The following CMYA5 variants were observed in gnomAD, a reference collection of about 807,000 sequenced individuals.
The protein encoded by CMYA5 is cardiomyopathy-associated protein 5.
A neutral mutation model predicts 318.9 loss-of-function variants in CMYA5; 246 were observed. The observed-to-expected ratio is 0.77, with a 90% CI of 0.70 to 0.86. The LOEUF (loss-of-function observed/expected upper bound fraction) is 0.86. CMYA5 is among the 40% of genes least tolerant of loss of function. The pLI, the probability that CMYA5 is intolerant of heterozygous loss-of-function variation, is 0.00. For synonymous variants in CMYA5, 1,641 were observed against 1,729.5 expected (o/e 0.95, Z 1.27); for missense variants, 4,589 against 4,678.2 (o/e 0.98, Z 0.56).
In CMYA5 at chr5:79,736,825, T is replaced by G; in HGVS notation, c.8060T>G (p.Val2687Gly). The change falls in exon 2 of 13, where the codon GTA becomes GGA. Residue 2687 changes from valine (V) to glycine (G), a missense_variant. Val to Gly is a moderately radical substitution (Grantham distance 109). Around this residue, in one of 3 missense-constraint regions of CMYA5, gnomAD observed 2,431 missense variants for 2,495.1 expected, o/e 0.97. Transcript: ENST00000446378. Reference protein sequence around the residue: ...RESELSKGGSVDITKETVKQG... With the variant: ...RESELSKGGSGDITKETVKQG... ...TCAGAGCTATCGAAAGGCGGTTCAG[T>G]AGATATCACAAAAGAAACTGTGAAA... 1 of 1,608,164 alleles carries G rather than the reference T, an allele frequency of 6.2e-7. No homozygotes were observed. The highest frequency in any genetic ancestry group is 1.7e-5 in the Admixed American group (1 of 59,296).
At chr5:79,795,563 T>A (rs2151101749) in intron 12 of CMYA5, among the ~76,000 whole-genome samples, 1 of 152,222 alleles carries the variant, frequency 6.6e-6, no homozygotes, top group East Asian at 1.9e-4. Context: ...CTCTACCCAC[T>A]CGCAACTGGG....
In CMYA5 at chr5:79,738,499, A is replaced by G. The variant is rs752703029; in HGVS notation, c.9734A>G (p.Asp3245Gly). Residue 3245 changes from aspartate to glycine, a missense_variant, in exon 2 of 13, where the codon GAT becomes GGT. This residue lies in a region of CMYA5 where 2,431 missense variants were observed against 2,495.1 expected (regional missense o/e 0.97). Coordinates refer to ENST00000446378, the MANE Select transcript of CMYA5 (RefSeq NM_153610.5). ...TATTTTGAGAAGTACATACTCAAAG[A>G]TGACATTCTCCATGACACATCTCTA... ...GIYFEKYILK[D>G]DILHDTSLTQ... 2 of 1,613,536 alleles carry G rather than the reference A, an allele frequency of 1.2e-6. No individual in the cohort carries two copies.
In CMYA5 at chr5:79,729,195, T is replaced by G. The variant is rs775297395; in HGVS notation, c.430T>G (p.Ser144Ala). The G allele has an allele frequency of 6.2e-6, 10 of 1,612,948 alleles. No homozygotes were observed. The South Asian group carries it at 1.1e-4, about 18-fold the overall frequency. Residue 144 changes from serine (S) to alanine (A), a missense_variant, in exon 2 of 13, where the codon TCA becomes GCA. Physicochemically the swap from Ser to Ala is moderately conservative, Grantham distance 99 (BLOSUM62 1). Coordinates refer to ENST00000446378, the MANE Select transcript of CMYA5 (RefSeq NM_153610.5). ...TCATAAGTCAAAGCATGGTTCACCATCATTACGCCGGAAAGGCAACAGAAA... is the reference window on the plus strand; with the variant it reads ...TCATAAGTCAAAGCATGGTTCACCAGCATTACGCCGGAAAGGCAACAGAAA... ...RTHKSKHGSPSLRRKGNRKRN... is the reference protein window; with the variant it reads ...RTHKSKHGSPALRRKGNRKRN...
Position 79,730,786 on chromosome 5 carries a change from C to G in CMYA5, c.2021C>G (p.Pro674Arg). The part of the protein sequence containing the change: ...NQSPLFSTVT[P>R]EYMVLSGDEA... ...TCTCCACTGTTTTCAACAGTTACAC[C>G]AGAATACATGGTCCTATCAGGAGAC... Residue 674 changes from proline to arginine, a missense_variant, in exon 2 of 13, where the codon CCA (proline) becomes CGA (arginine). By Grantham distance (103) the Pro-to-Arg change is moderately radical. Coordinates refer to ENST00000446378, the MANE Select transcript of CMYA5 (RefSeq NM_153610.5). The G allele has an allele frequency of 6.2e-7, 1 of 1,613,818 alleles. No homozygotes were observed. The highest frequency in any genetic ancestry group is 8.5e-7 in the Non-Finnish European group (1 of 1,179,844).
At chr5:79,708,692 C>G (rs112350129) in intron 1 of CMYA5, among the ~76,000 whole-genome samples, 12,817 of 152,020 alleles carry the variant, frequency 0.084, 625 homozygotes, top group East Asian at 0.16. Context: ...GTAATCCCAG[C>G]CCTTTGGGCG....
intron 9 of CMYA5, among the ~76,000 whole-genome samples, chr5:79,787,223 C>A (rs575763458): frequency 6.6e-6 from 1 of 152,176 alleles, no homozygotes; most frequent in African/African-American, 2.4e-5. Context: ...CTTCCCACCC[C>A]CGCCTCCTCA....
At chr5:79,758,000 C>T (rs991322768) in intron 6 of CMYA5, among the ~76,000 whole-genome samples, 4 of 151,924 alleles carry the variant, frequency 2.6e-5, no homozygotes, top group East Asian at 1.9e-4. Flanking sequence ...GAGGCTGAGG[C>T]GGGTGGAATC....
intron 9 of CMYA5, 46 bp downstream of exon 9, chr5:79,763,255 C>T (rs1333322403): frequency 6.7e-7 from 1 of 1,500,234 alleles, no homozygotes; most frequent in Non-Finnish European, 8.9e-7. Flanking sequence ...GCCCAGTAAC[C>T]AAGCTCTGGG....
chr5:79,793,667 C>A, intron 12 of CMYA5, 57 bp downstream of exon 12: 3 of 1,506,754 alleles, frequency 2.0e-6, no homozygotes, highest in South Asian at 2.5e-5. Flanking sequence ...GGTGTCCAGG[C>A]AGGGCTCTCT....
In CMYA5 at chr5:79,763,044, C is replaced by T. The variant is rs780755358; in HGVS notation, c.11408-18C>T. On this transcript the variant is annotated intron_variant, in intron 8 of 12. Transcript: ENST00000446378. ...AAGCTGGCATTGCTCCACGACTGTC[C>T]TGACTCTCTTTCTGCAGCACCCTCC... 17 of 1,607,278 alleles carry T rather than the reference C, an allele frequency of 1.1e-5. No individual in the cohort carries two copies. Among genetic ancestry groups the T allele is most frequent in the African/African-American group, 1.3e-5 (1 of 74,926 alleles).
rs1827896180 is a variant in CMYA5, at chr5:79,731,394, T to C, written c.2629T>C (p.Ser877Pro). 1.9e-6 allele frequency: 3 copies of C among 1,613,572 alleles called. No individual in the cohort carries two copies. Among genetic ancestry groups the C allele is most frequent in the African/African-American group, 2.7e-5 (2 of 74,886 alleles). The change falls in exon 2 of 13, where the codon TCT (serine) becomes CCT (proline). Residue 877 changes from serine to proline, a missense_variant. Around this residue, in one of 3 missense-constraint regions of CMYA5, gnomAD observed 2,132 missense variants for 2,131.3 expected, o/e 1.00. Transcript: ENST00000446378. ...CQAPPLSATP[S>P]EYVVLSDEEA... ...GGCCCCACCACTTTCAGCCACCCCA[T>C]CTGAATATGTTGTTCTATCAGACGA...
intron 9 of CMYA5, among the ~76,000 whole-genome samples, chr5:79,778,566 T>C (rs1828987309): frequency 6.6e-6 from 1 of 152,136 alleles, no homozygotes; most frequent in Non-Finnish European, 1.5e-5. Flanking sequence ...TATAAACTGA[T>C]CATTTCCTAG....
At chr5:79,778,387 A>T (rs570530297) in intron 9 of CMYA5, among the ~76,000 whole-genome samples, 1 of 152,224 alleles carries the variant, frequency 6.6e-6, no homozygotes, top group Non-Finnish European at 1.5e-5. Context: ...CTAGTAGTGT[A>T]TAAGAGTGCT....
rs536165090 is a variant in CMYA5, at chr5:79,690,137, C to T, written c.149+81C>T. 1.2e-5 allele frequency: 16 copies of T among 1,368,982 alleles called. No homozygotes were observed. In the African/African-American group the frequency reaches 2.3e-4, roughly 20 times the overall value. The allele number at this position is 1,368,982 out of a possible 1,614,324, so 84.8% of individuals were successfully genotyped here. On this transcript the variant is annotated intron_variant, in intron 1 of 12. Coordinates refer to ENST00000446378, the MANE Select transcript of CMYA5 (RefSeq NM_153610.5). ...TGCTTGTTTGCTTTAAGTTTTTAAG[C>T]TCTGGGGTTCGTTTGCCTCGAGCTA...
chr5:79,798,073 G>T (rs754731927), intron 12 of CMYA5, among the ~76,000 whole-genome samples: 8 of 152,046 alleles, frequency 5.3e-5, no homozygotes, highest in Non-Finnish European at 8.8e-5. Flanking sequence ...GCAAGGCATT[G>T]AAAAGGTCCT....
intron 1 of CMYA5, among the ~76,000 whole-genome samples, chr5:79,697,244 C>A (rs1183219096): frequency 2.0e-5 from 3 of 152,144 alleles, no homozygotes; most frequent in African/African-American, 7.2e-5. Flanking sequence ...AAGGTAGGGG[C>A]CTGCTAGGAC....
chr5:79,707,500 T>A (rs1325713353), intron 1 of CMYA5, among the ~76,000 whole-genome samples: 1 of 152,226 alleles, frequency 6.6e-6, no homozygotes, highest in Non-Finnish European at 1.5e-5. Context: ...CCAGAGGTAA[T>A]CATTATTAAA....
chr5:79,700,242 C>G (rs1827148543), intron 1 of CMYA5, among the ~76,000 whole-genome samples: 1 of 152,318 alleles, frequency 6.6e-6, no homozygotes, highest in African/African-American at 2.4e-5. Context: ...GAAACCCAGG[C>G]TTTAGTGACA....
chr5:79,732,397 C>G lies in CMYA5; in HGVS notation c.3632C>G (p.Pro1211Arg), dbSNP rs1483101570. 2 of 1,613,700 alleles carry G rather than the reference C, an allele frequency of 1.2e-6. No individual in the cohort carries two copies. The highest frequency in any genetic ancestry group is 2.7e-5 in the African/African-American group (2 of 75,030). The change falls in exon 2 of 13, where the codon CCT (proline) becomes CGT (arginine). Residue 1211 changes from proline (P) to arginine (R), a missense_variant. Physicochemically the swap from Pro to Arg is moderately radical, Grantham distance 103 (BLOSUM62 -2). Around this residue, in one of 3 missense-constraint regions of CMYA5, gnomAD observed 2,132 missense variants for 2,131.3 expected, o/e 1.00. Coordinates refer to ENST00000446378, the MANE Select transcript of CMYA5 (RefSeq NM_153610.5). ...LSKVRKEEIV[P>R]DSQEATAHVS... Reference sequence around the variant, plus strand: ...AAAGTCAGAAAGGAAGAAATTGTGCCTGATTCTCAAGAAGCTACAGCACAT... The same window carrying G: ...AAAGTCAGAAAGGAAGAAATTGTGCGTGATTCTCAAGAAGCTACAGCACAT...
Sources: allele counts gnomAD v4.1 joint callset (sites outside exome capture counted in the v4.1 genomes callset), GRCh38; gene constraint gnomAD v4.1.1; regional missense constraint gnomAD v4.1.1; transcripts MANE v1.5; gene names NCBI Gene and HGNC (gene_info 2026-07-23, HGNC 2026-07-21).